Variants in SORCS3 observed in about 807,000 individuals in gnomAD.
SORCS3 encodes sortilin related VPS10 domain containing receptor 3.
SORCS3 carries 57 observed loss-of-function variants against 146.3 expected under a neutral mutation model. The ratio of observed to expected loss-of-function variants is 0.39; its 90% CI spans 0.31 to 0.49. The LOEUF (loss-of-function observed/expected upper bound fraction) is 0.49, where lower values mean the gene tolerates loss of function less well. Among genes scored for constraint, SORCS3 ranks in the 20% least tolerant of loss-of-function variants. The pLI is 0.92. For synonymous variants in SORCS3, 653 were observed against 618.5 expected (o/e 1.06, Z -0.83); for missense variants, 1,341 against 1,575.5 (o/e 0.85, Z 2.52).
intron 4 of SORCS3, among the ~76,000 whole-genome samples, chr10:105,011,923 A>G (rs1407554421): frequency 1.3e-5 from 2 of 152,218 alleles, no homozygotes; most frequent in Non-Finnish European, 2.9e-5. Context: ...TGGCCTAACA[A>G]CATATATTGT....
At chr10:105,006,624 C>T (rs1023451973) in intron 4 of SORCS3, among the ~76,000 whole-genome samples, 3 of 152,146 alleles carry the variant, frequency 2.0e-5, no homozygotes. Flanking sequence ...TTCTCTCTGC[C>T]ATTGCCACTT....
At chr10:104,882,567 T>C (rs531727560) in intron 2 of SORCS3, among the ~76,000 whole-genome samples, 2 of 152,242 alleles carry the variant, frequency 1.3e-5, no homozygotes, top group African/African-American at 4.8e-5. Context: ...ATTTTACAAG[T>C]GAAGAACCTG....
chr10:105,203,645 TGATA>T (rs1378859986), intron 16 of SORCS3, among the ~76,000 whole-genome samples: 1 of 152,218 alleles, frequency 6.6e-6, no homozygotes, highest in Non-Finnish European at 1.5e-5. Flanking sequence ...ATTCTAGCAC[TGATA>T]GTCACAGTTT....
intron 1 of SORCS3, among the ~76,000 whole-genome samples, chr10:104,810,969 C>A (rs892835091): frequency 2.0e-5 from 3 of 151,980 alleles, no homozygotes; most frequent in Non-Finnish European, 4.4e-5. Flanking sequence ...GAGATGTATA[C>A]CACAAAGAGT....
At chr10:104,815,028 T>G (rs2017781258) in intron 1 of SORCS3, among the ~76,000 whole-genome samples, 1 of 152,138 alleles carries the variant, frequency 6.6e-6, no homozygotes, top group Non-Finnish European at 1.5e-5. Flanking sequence ...CAATCCCTGT[T>G]CTCAAGAAGC....
At chr10:105,174,900 C>T (rs184221386) in intron 13 of SORCS3, among the ~76,000 whole-genome samples, 5 of 152,196 alleles carry the variant, frequency 3.3e-5, no homozygotes, top group Non-Finnish European at 1.5e-5. Context: ...CTCTCCGTGT[C>T]GGCTCTCTGT....
intron 1 of SORCS3, among the ~76,000 whole-genome samples, chr10:104,667,986 G>C (rs552691297): frequency 7.2e-5 from 11 of 152,278 alleles, no homozygotes; most frequent in African/African-American, 2.6e-4. Flanking sequence ...TGATTCATCT[G>C]AGTTTCAGGA....
intron 2 of SORCS3, among the ~76,000 whole-genome samples, chr10:104,903,031 C>T (rs908016738): frequency 2.0e-5 from 3 of 152,154 alleles, no homozygotes; most frequent in African/African-American, 7.2e-5. Flanking sequence ...GCTCAATTAC[C>T]ATTGTTTAAA....
At chr10:104,851,064 G>A (rs2018269476) in intron 2 of SORCS3, among the ~76,000 whole-genome samples, 1 of 152,146 alleles carries the variant, frequency 6.6e-6, no homozygotes, top group African/African-American at 2.4e-5. Context: ...ATCTATGAAA[G>A]TCTTTGTTCT....
At chr10:104,932,522 C>T (rs941785898) in intron 3 of SORCS3, among the ~76,000 whole-genome samples, 6 of 152,198 alleles carry the variant, frequency 3.9e-5, no homozygotes, top group Non-Finnish European at 7.3e-5. Flanking sequence ...CCAATCCTTA[C>T]TCAGAAACTT....
chr10:104,754,878 A>G (rs950117377), intron 1 of SORCS3, among the ~76,000 whole-genome samples: 1 of 152,200 alleles, frequency 6.6e-6, no homozygotes, highest in Non-Finnish European at 1.5e-5. Context: ...TGAACCCTAG[A>G]ATTACACCCT....
chr10:104,869,082 A>T (rs2018489658), intron 2 of SORCS3, among the ~76,000 whole-genome samples: 2 of 152,156 alleles, frequency 1.3e-5, no homozygotes. Flanking sequence ...CATTTCTGCT[A>T]CTAAAATCTA....
chr10:104,976,120 G>A (rs1327919226), intron 3 of SORCS3, among the ~76,000 whole-genome samples: 1 of 152,156 alleles, frequency 6.6e-6, no homozygotes, highest in African/African-American at 2.4e-5. Context: ...AGAGTGAACA[G>A]GCAACCCACA....
intron 1 of SORCS3, among the ~76,000 whole-genome samples, chr10:104,726,336 G>A (rs1490173): frequency 0.34 from 51,190 of 152,014 alleles, 9,257 homozygotes; most frequent in East Asian, 0.63. Context: ...CTTCCTATGA[G>A]GGCACTTGTT....
chr10:105,245,787 A>G lies in SORCS3; in HGVS notation c.2992+122A>G, dbSNP rs2056862688. 1.1e-5 allele frequency: 14 copies of G among 1,236,678 alleles called. 1 individual carries two copies. In the South Asian group the frequency reaches 2.2e-4, roughly 20 times the overall value. 76.6% of individuals were successfully genotyped at this position (1,236,678 alleles called of 1,614,324 possible). A position where few individuals can be genotyped will look rare whatever the true frequency, so the allele number is the denominator to read the frequency against. ...AGGCCCTGGGAAAATTACATAGGTC[A>G]ACAGGAAGCTTCCAAACCTACCTCC... On this transcript the variant is annotated intron_variant, in intron 21 of 26. Transcript: ENST00000369701.
intron 1 of SORCS3, among the ~76,000 whole-genome samples, chr10:104,828,632 G>T (rs554543751): frequency 6.6e-6 from 1 of 152,234 alleles, no homozygotes; most frequent in Non-Finnish European, 1.5e-5. Flanking sequence ...AGGCTTGCTC[G>T]ACATGGGGTT....
intron 1 of SORCS3, among the ~76,000 whole-genome samples, chr10:104,682,827 G>T (rs1211178276): frequency 2.0e-5 from 3 of 152,208 alleles, no homozygotes; most frequent in African/African-American, 7.2e-5. Flanking sequence ...GGGATGGAGG[G>T]GTCTGGCCCT....
At chr10:104,802,650 G>A (rs913678387) in intron 1 of SORCS3, among the ~76,000 whole-genome samples, 3 of 152,200 alleles carry the variant, frequency 2.0e-5, no homozygotes, top group African/African-American at 7.2e-5. Flanking sequence ...AGCATCTACA[G>A]AATCTGGTTC....
At chr10:105,032,392 A>G (rs2055274842) in intron 4 of SORCS3, among the ~76,000 whole-genome samples, 2 of 152,196 alleles carry the variant, frequency 1.3e-5, no homozygotes, top group Non-Finnish European at 2.9e-5. Context: ...AACCACTACA[A>G]CATACATAGA....
Sources: gnomAD v4.1 joint callset for allele counts (sites outside exome capture counted in the v4.1 genomes callset) on GRCh38, gnomAD v4.1.1 for gene constraint, MANE v1.5 for transcripts, NCBI Gene and HGNC (gene_info 2026-07-23, HGNC 2026-07-21) for gene names.